PDE4D: variants seen among roughly 807,000 people sequenced by gnomAD.
PDE4D encodes 3',5'-cyclic-AMP phosphodiesterase 4D.
A neutral mutation model predicts 87.4 loss-of-function variants in PDE4D; 24 were observed. The ratio of observed to expected loss-of-function variants is 0.27; its 90% CI spans 0.20 to 0.39. The LOEUF is 0.39. Among genes scored for constraint, PDE4D ranks in the 10% least tolerant of loss-of-function variants. PDE4D has a pLI of 1.00. For synonymous variants in PDE4D, 384 were observed against 383.2 expected (o/e 1.00, Z -0.02); for missense variants, 714 against 1,041.0 (o/e 0.69, Z 4.32).
At chr5:59,505,825 C>A (rs571381556) in intron 1 of PDE4D, among the ~76,000 whole-genome samples, 3 of 152,050 alleles carry the variant, frequency 2.0e-5, no homozygotes, top group Non-Finnish European at 4.4e-5. Flanking sequence ...TTATAGCTGG[C>A]AAGCTTAGGA....
intron 1 of PDE4D, among the ~76,000 whole-genome samples, chr5:60,253,578 G>A (rs75035933): frequency 0.014 from 2,069 of 151,870 alleles, 23 homozygotes; most frequent in Middle Eastern, 0.034. Flanking sequence ...GCTATTTTAT[G>A]AGAAAGGAAA....
chr5:59,905,618 T>A (rs974602627), intron 3 of PDE4D, among the ~76,000 whole-genome samples: 1 of 152,116 alleles, frequency 6.6e-6, no homozygotes, highest in African/African-American at 2.4e-5. Flanking sequence ...TTTTCATCGA[T>A]GAAAATAACA....
At chr5:59,055,753 C>T (rs778774586) in intron 5 of PDE4D, among the ~76,000 whole-genome samples, 7 of 152,150 alleles carry the variant, frequency 4.6e-5, no homozygotes, top group Non-Finnish European at 8.8e-5. Context: ...TTTTACCTAG[C>T]AAGGAGCCTT....
At position 59,325,441 on chromosome 5, in the gene PDE4D, C is replaced by T. The variant is rs78271648; in HGVS notation, c.456-109473G>A. On this transcript the variant is annotated intron_variant, in intron 1 of 14. Transcript: ENST00000340635. ...TCTTCTTGCTACCTACGTTTTTACG[C>T]TTTAAATAGTAAATGCATAGCAAAA... Among the ~76,000 whole-genome samples, 1,288 of 152,228 alleles carry T rather than the reference C, an allele frequency of 8.5e-3. 16 individuals are homozygous for T. Among genetic ancestry groups the T allele is most frequent in the African/African-American group, 0.03 (1,233 of 41,556 alleles).
At chr5:58,984,205 A>AACTT (rs561643222) in intron 11 of PDE4D, among the ~76,000 whole-genome samples, 19 of 152,240 alleles carry the variant, frequency 1.2e-4, no homozygotes, top group Non-Finnish European at 1.3e-4. Flanking sequence ...TGGTGGTTTT[A>AACTT]ACTTAATATT....
intron 1 of PDE4D, among the ~76,000 whole-genome samples, chr5:59,670,422 C>A (rs538315399): frequency 6.6e-6 from 1 of 152,264 alleles, no homozygotes; most frequent in Non-Finnish European, 1.5e-5. Context: ...CACACCTGAC[C>A]TCATGTGACA....
intron 1 of PDE4D, among the ~76,000 whole-genome samples, chr5:60,304,989 T>TAA (rs199519356): frequency 2.0e-5 from 3 of 150,506 alleles, no homozygotes; most frequent in African/African-American, 7.3e-5. Context: ...TAAAATTGAG[T>TAA]AATATATATA....
chr5:60,452,706 G>A (rs1251685435), intron 1 of PDE4D, among the ~76,000 whole-genome samples: 2 of 152,010 alleles, frequency 1.3e-5, no homozygotes, highest in Non-Finnish European at 2.9e-5. Context: ...TATGGAAAAG[G>A]GAACATTTCT....
In PDE4D at chr5:60,341,667, CAG is replaced by C. The variant is rs2149898693; in HGVS notation, c.-90+146273_-90+146274del. On this transcript the variant is annotated intron_variant, in intron 1 of 16. Transcript: ENST00000502484. ...AAAACCAAGAGAAGAAGCCCATACA[CAG>C]AGCGTTTCCCAAGCAAAAACACTGT... 1.3e-5 allele frequency among the ~76,000 whole-genome samples: 2 copies of C among 152,330 alleles called. 1 individual carries two copies. Among genetic ancestry groups the C allele is most frequent in the South Asian group, 4.1e-4 (2 of 4,828 alleles).
At chr5:60,246,956 T>C (rs906901056) in intron 1 of PDE4D, among the ~76,000 whole-genome samples, 3 of 152,024 alleles carry the variant, frequency 2.0e-5, no homozygotes, top group Non-Finnish European at 4.4e-5. Flanking sequence ...ATTTTTCAAG[T>C]TGTGATTTTT....
At chr5:59,936,074 C>T (rs556929863) in intron 3 of PDE4D, among the ~76,000 whole-genome samples, 9 of 152,222 alleles carry the variant, frequency 5.9e-5, no homozygotes, top group African/African-American at 9.6e-5. Context: ...GTCCCACCAA[C>T]GGTGTAAACC....
intron 1 of PDE4D, among the ~76,000 whole-genome samples, chr5:59,632,855 G>C (rs189596475): frequency 1.3e-5 from 2 of 152,312 alleles, no homozygotes; most frequent in East Asian, 3.9e-4. Context: ...CTCCTCGCCA[G>C]CAAGGGAACA....
intron 1 of PDE4D, among the ~76,000 whole-genome samples, chr5:59,847,419 T>G (rs1256870277): frequency 2.0e-5 from 3 of 152,024 alleles, no homozygotes; most frequent in Non-Finnish European, 4.4e-5. Flanking sequence ...TGACAGGGTC[T>G]TTGGCTGTGC....
intron 2 of PDE4D, among the ~76,000 whole-genome samples, chr5:60,105,690 A>T (rs1271681770): frequency 6.6e-6 from 1 of 152,102 alleles, no homozygotes; most frequent in Non-Finnish European, 1.5e-5. Context: ...AAGCCAGAAG[A>T]TAATGGGGGC....
rs115748649 is a variant in PDE4D at position 60,279,285 on chromosome 5, G to A, written c.-89-93598C>T. On this transcript the variant is annotated intron_variant, in intron 1 of 16. Transcript: ENST00000502484. ...CCTCCACGGACACCAGCCCAGTCAG[G>A]AGAAGAAAGAGCACCCTATTACTTC... Among the ~76,000 whole-genome samples, 1,072 of 152,240 alleles carry A rather than the reference G, an allele frequency of 7.0e-3. 7 individuals carry two copies. Among genetic ancestry groups the A allele is most frequent in the African/African-American group, 0.024 (984 of 41,558 alleles).
intron 1 of PDE4D, among the ~76,000 whole-genome samples, chr5:60,190,048 C>T (rs968732548): frequency 6.6e-6 from 1 of 152,124 alleles, no homozygotes. Flanking sequence ...ATACATGTGG[C>T]ATGTATAAAA....
intron 5 of PDE4D, among the ~76,000 whole-genome samples, chr5:59,089,853 C>T (rs1306705100): frequency 6.6e-6 from 1 of 152,020 alleles, no homozygotes; most frequent in Non-Finnish European, 1.5e-5. Context: ...TCAAAGATTT[C>T]TTATAATATG....
At chr5:59,478,038 C>T (rs1185724401) in intron 1 of PDE4D, among the ~76,000 whole-genome samples, 1 of 151,732 alleles carries the variant, frequency 6.6e-6, no homozygotes, top group African/African-American at 2.4e-5. Flanking sequence ...CTGCAGACTA[C>T]TAGAAGGGGA....
intron 1 of PDE4D, among the ~76,000 whole-genome samples, chr5:59,223,453 T>C (rs1451746719): frequency 2.0e-5 from 3 of 152,090 alleles, no homozygotes; most frequent in South Asian, 2.1e-4. Flanking sequence ...AGCCAACACA[T>C]TGGAACTCAT....
Sources: allele counts gnomAD v4.1 joint callset (sites outside exome capture counted in the v4.1 genomes callset), GRCh38; gene constraint gnomAD v4.1.1; transcripts MANE v1.5; gene names NCBI Gene and HGNC (gene_info 2026-07-23, HGNC 2026-07-21).